The following USP47 variants were observed in gnomAD, a reference collection of about 807,000 sequenced individuals.
The protein encoded by USP47 is ubiquitin carboxyl-terminal hydrolase 47.
Under a neutral mutation model 165.1 loss-of-function variants are expected in USP47, and 35 were observed. That is an observed-to-expected ratio of 0.21 (90% CI 0.16 to 0.28). The LOEUF is 0.28. USP47 is among the 10% of genes least tolerant of loss of function. The probability of loss-of-function intolerance (pLI) is 1.00; values close to 1 mark genes in which losing one functional copy is unlikely to be tolerated. For missense variants in USP47, 1,277 were observed against 1,607.4 expected, an observed-to-expected ratio of 0.79 and a Z score of 3.52; for synonymous variants, 531 against 544.5, an observed-to-expected ratio of 0.98 and a Z score of 0.35.
intron 14 of USP47, among the ~76,000 whole-genome samples, chr11:11,932,102 C>T (rs547531719): frequency 4.6e-5 from 7 of 152,250 alleles, no homozygotes; most frequent in Non-Finnish European, 7.4e-5. Flanking sequence ...GATGAAGCCT[C>T]AGGGAGCTTT....
intron 4 of USP47, among the ~76,000 whole-genome samples, chr11:11,894,088 T>C (rs781392466): frequency 6.6e-6 from 1 of 152,182 alleles, no homozygotes; most frequent in Non-Finnish European, 1.5e-5. Context: ...TTAAACTGTT[T>C]CCCATTACAC....
chr11:11,944,168 T>A (rs2134804215), intron 20 of USP47, among the ~76,000 whole-genome samples: 1 of 149,352 alleles, frequency 6.7e-6, no homozygotes, highest in South Asian at 2.2e-4. Context: ...ATTTTCTAAA[T>A]CCATACTAGA....
intron 4 of USP47, among the ~76,000 whole-genome samples, chr11:11,893,822 A>G (rs1400190879): frequency 6.6e-6 from 1 of 152,216 alleles, no homozygotes; most frequent in Non-Finnish European, 1.5e-5. Context: ...GGTAGAAGCC[A>G]TGGTGCCCAA....
chr11:11,884,434 C>T (rs1851023676), intron 2 of USP47, 33 bp from the exon 3 acceptor site: 7 of 1,444,076 alleles, frequency 4.8e-6, no homozygotes, highest in Non-Finnish European at 5.6e-6. Context: ...TTATGTTTCT[C>T]ATAATCTGAA....
At chr11:11,854,842 C>G (rs1011804115) in intron 1 of USP47, among the ~76,000 whole-genome samples, 1 of 146,960 alleles carries the variant, frequency 6.8e-6, no homozygotes, top group African/African-American at 2.4e-5. Flanking sequence ...GCCTGTAATC[C>G]CAGCACTTTG....
At chr11:11,934,293 G>A (rs1370770690) in intron 16 of USP47, among the ~76,000 whole-genome samples, 2 of 152,134 alleles carry the variant, frequency 1.3e-5, no homozygotes. Flanking sequence ...ATACCAAAGT[G>A]AACAAGGCGT....
chr11:11,925,707 CT>C (rs1854191173), intron 11 of USP47, among the ~76,000 whole-genome samples: 1 of 148,182 alleles, frequency 6.7e-6, no homozygotes, highest in Admixed American at 6.8e-5. Context: ...AATTTTTCTT[CT>C]TTCTTTCCTA....
At chr11:11,857,321 A>G (rs989462658) in intron 1 of USP47, among the ~76,000 whole-genome samples, 5 of 152,050 alleles carry the variant, frequency 3.3e-5, no homozygotes, top group African/African-American at 1.2e-4. Flanking sequence ...CTATTATTTT[A>G]TATCTATTTA....
At chr11:11,871,274 C>T (rs1306055999) in intron 1 of USP47, among the ~76,000 whole-genome samples, 4 of 151,424 alleles carry the variant, frequency 2.6e-5, no homozygotes, top group African/African-American at 4.9e-5. Context: ...GAGGCCGAGG[C>T]GGATAGGTCA....
chr11:11,943,607 AGT>A (rs1855631604), intron 20 of USP47: 1 of 152,208 alleles, frequency 6.6e-6, no homozygotes, highest in Non-Finnish European at 1.5e-5. Context: ...GTTACTTTGA[AGT>A]AACTCCAAAG....
chr11:11,921,640 TG>T (rs2134606718), intron 10 of USP47, among the ~76,000 whole-genome samples: 1 of 152,044 alleles, frequency 6.6e-6, no homozygotes, highest in East Asian at 1.9e-4. Context: ...ACATAATCTT[TG>T]TAGGATTTCT....
At chr11:11,934,000 T>C in intron 16 of USP47, 65 bp downstream of exon 16, 1 of 1,183,316 alleles carries the variant, frequency 8.5e-7, no homozygotes, top group Non-Finnish European at 1.2e-6. Context: ...ATTTCCCAAG[T>C]TTTTATAATG....
At chr11:11,898,781 G>A (rs1365391736) in intron 5 of USP47, among the ~76,000 whole-genome samples, 1 of 152,180 alleles carries the variant, frequency 6.6e-6, no homozygotes, top group Non-Finnish European at 1.5e-5. Flanking sequence ...AGCTAGATAT[G>A]GTTTGGCCAG....
At chr11:11,868,881 G>C (rs547312081) in intron 1 of USP47, among the ~76,000 whole-genome samples, 14 of 151,878 alleles carry the variant, frequency 9.2e-5, no homozygotes, top group South Asian at 8.3e-4. Context: ...TGGTTAGTAT[G>C]TTGTACATCT....
At chr11:11,897,469 T>A in intron 4 of USP47, 128 bp from the exon 5 acceptor site, 2 of 659,010 alleles carry the variant, frequency 3.0e-6, no homozygotes, top group Non-Finnish European at 5.1e-6. Context: ...GTTGAACAAG[T>A]TGAAATAATT....
chr11:11,908,354 G>C (rs1852721889), intron 8 of USP47, among the ~76,000 whole-genome samples: 1 of 151,742 alleles, frequency 6.6e-6, no homozygotes, highest in African/African-American at 2.4e-5. Context: ...GACCAGGCTG[G>C]TCTCAAACTC....
At position 11,930,124 on chromosome 11, in the gene USP47, A is replaced by G; in HGVS notation, c.1595+4A>G. ...ATTATTCTAGTGCTTTCGCAAGGTA[A>G]GCAATTTCCTAATTTTCAGTGTTTA... On this transcript the variant is annotated splice_donor_region_variant and intron_variant, in intron 13 of 27. Coordinates refer to ENST00000527733, the MANE Select transcript of USP47 (RefSeq NM_001282659.2). 7 of 1,609,654 alleles carry G rather than the reference A, an allele frequency of 4.3e-6. No homozygotes were observed. Among genetic ancestry groups the G allele is most frequent in the Non-Finnish European group, 6.0e-6 (7 of 1,176,380 alleles).
intron 4 of USP47, among the ~76,000 whole-genome samples, chr11:11,893,875 T>C (rs1398844447): frequency 6.6e-6 from 1 of 152,216 alleles, no homozygotes; most frequent in Non-Finnish European, 1.5e-5. Context: ...TTTCGTTTAC[T>C]ATATTTTGTA....
intron 11 of USP47, among the ~76,000 whole-genome samples, chr11:11,926,449 G>T (rs190648808): frequency 6.6e-6 from 1 of 151,718 alleles, no homozygotes; most frequent in East Asian, 1.9e-4. Context: ...TTTCTTCTAG[G>T]GTATCCAATT....
Sources: allele counts gnomAD v4.1 joint callset (sites outside exome capture counted in the v4.1 genomes callset), GRCh38; gene constraint gnomAD v4.1.1; transcripts MANE v1.5; gene names NCBI Gene and HGNC (gene_info 2026-07-23, HGNC 2026-07-21).